Variants in TRDN observed in about 807,000 individuals in gnomAD.
TRDN encodes the protein triadin, also known as triadin in skeletal muscle.
TRDN carries 161 observed loss-of-function variants against 149.7 expected under a neutral mutation model. The observed-to-expected ratio is 1.08, with a 90% CI of 0.95 to 1.23. The LOEUF is 1.23. Among genes scored for constraint, TRDN ranks in the 50% most tolerant of loss-of-function variants. TRDN has a pLI of 0.00. For synonymous variants in TRDN, 294 were observed against 250.5 expected, an observed-to-expected ratio of 1.17 and a Z score of -1.64; for missense variants, 896 against 823.5, an observed-to-expected ratio of 1.09 and a Z score of -1.08.
At chr6:123,612,170 C>T (rs1395753434) in intron 1 of TRDN, among the ~76,000 whole-genome samples, 1 of 144,480 alleles carries the variant, frequency 6.9e-6, no homozygotes, top group Non-Finnish European at 1.5e-5. Context: ...GTGGGTGTAT[C>T]GCCTGAGAGG....
At chr6:123,250,896 C>G (rs1366013418) in intron 38 of TRDN, among the ~76,000 whole-genome samples, 1 of 152,092 alleles carries the variant, frequency 6.6e-6, no homozygotes, top group South Asian at 2.1e-4. Context: ...GTGCTTACTT[C>G]CCACTTCTTT....
chr6:123,581,520 TA>T (rs1358970089), intron 1 of TRDN, among the ~76,000 whole-genome samples: 1 of 152,204 alleles, frequency 6.6e-6, no homozygotes, highest in Admixed American at 6.5e-5. Flanking sequence ...AAATCAGCTT[TA>T]AAAAGTGTCA....
At chr6:123,236,515 C>T (rs1775793813) in intron 38 of TRDN, among the ~76,000 whole-genome samples, 3 of 152,044 alleles carry the variant, frequency 2.0e-5, no homozygotes, top group Non-Finnish European at 2.9e-5. Context: ...TGTCTTGTAA[C>T]TCTTTGTCTA....
At chr6:123,579,332 T>C (rs759244273) in intron 1 of TRDN, among the ~76,000 whole-genome samples, 72 of 152,292 alleles carry the variant, frequency 4.7e-4, no homozygotes, top group Non-Finnish European at 7.6e-4. Context: ...CCTAGTTTAT[T>C]GAGAATTTTT....
rs921061366 is a variant in TRDN at position 123,271,046 on chromosome 6, T to TGTGTGC, written c.1720+92_1720+93insGCACAC. 9.8e-5 allele frequency: 65 copies of TGTGTGC among 660,064 alleles called. No homozygotes were observed. In the African/African-American group the frequency reaches 1.1e-3, roughly 11 times the overall value. The allele number at this position is 660,064 out of a possible 1,614,324, so 40.9% of individuals were successfully genotyped here. ...ACACACTTCAGTGAAGGGCTGTGTG[T>TGTGTGC]GTGTGTGTGTGTGTGTGTCTGCATG... On this transcript the variant is annotated intron_variant, in intron 30 of 40. Coordinates refer to ENST00000334268, the MANE Select transcript of TRDN (RefSeq NM_006073.4).
chr6:123,476,779 T>C (rs2114756160), intron 9 of TRDN, among the ~76,000 whole-genome samples: 1 of 150,580 alleles, frequency 6.6e-6, no homozygotes, highest in African/African-American at 2.4e-5. Context: ...ATCTGATCTT[T>C]GACAAACCTG....
intron 5 of TRDN, among the ~76,000 whole-genome samples, chr6:123,521,944 T>G (rs1199616161): frequency 6.6e-6 from 1 of 152,178 alleles, no homozygotes; most frequent in Non-Finnish European, 1.5e-5. Context: ...CATCATGGAA[T>G]TTGTAGTGCC....
intron 31 of TRDN, 97 bp from the exon 32 acceptor site, chr6:123,267,848 G>A: frequency 1.2e-6 from 1 of 851,356 alleles, no homozygotes; most frequent in Admixed American, 3.3e-5. Flanking sequence ...TTACCCAAGA[G>A]GCATGCCCCA....
At chr6:123,260,828 A>T (rs1776745262) in intron 33 of TRDN, among the ~76,000 whole-genome samples, 190 bp from the exon 34 acceptor site, 1 of 151,844 alleles carries the variant, frequency 6.6e-6, no homozygotes, top group African/African-American at 2.4e-5. Flanking sequence ...AGCTGTAACT[A>T]GACATCTATT....
chr6:123,351,142 G>A, intron 21 of TRDN: 1 of 984,524 alleles, frequency 1.0e-6, no homozygotes, highest in South Asian at 4.7e-5. Flanking sequence ...GAGGGGGAAA[G>A]CTATAAAACT....
At chr6:123,513,840 T>C (rs1779291939) in intron 6 of TRDN, among the ~76,000 whole-genome samples, 1 of 152,098 alleles carries the variant, frequency 6.6e-6, no homozygotes, top group Non-Finnish European at 1.5e-5. Context: ...ATATTTCAAC[T>C]TATCTGATTC....
intron 21 of TRDN, among the ~76,000 whole-genome samples, chr6:123,340,357 G>T (rs1482495463): frequency 2.0e-5 from 3 of 151,978 alleles, no homozygotes; most frequent in Non-Finnish European, 2.9e-5. Context: ...ATTATTCATT[G>T]CTCTGAATGA....
chr6:123,264,513 G>A (rs974555887), intron 33 of TRDN, among the ~76,000 whole-genome samples: 4 of 152,052 alleles, frequency 2.6e-5, no homozygotes, highest in Admixed American at 6.6e-5. Flanking sequence ...TGAAGATGTT[G>A]TGAACATCGT....
Position 123,493,852 on chromosome 6 carries a change from C to T in TRDN, c.853+3341G>A, listed in dbSNP as rs959433316. Among the ~76,000 whole-genome samples the T allele has an allele frequency of 5.9e-5, 9 of 152,106 alleles. 1 individual carries two copies. The highest frequency in any genetic ancestry group is 1.2e-4 in the Non-Finnish European group (8 of 68,004). On this transcript the variant is annotated intron_variant, in intron 9 of 40. Coordinates refer to ENST00000334268, the MANE Select transcript of TRDN (RefSeq NM_006073.4). ...CAGATTAAATCTGTGTTTCTCATTC[C>T]TTATTTTCAAAAATGCAAGTCATAT...
chr6:123,600,438 T>C (rs577247896), intron 1 of TRDN, among the ~76,000 whole-genome samples: 185 of 151,196 alleles, frequency 1.2e-3, no homozygotes, highest in African/African-American at 4.3e-3. Flanking sequence ...GGGTTGGGTG[T>C]GTAAAGGGGA....
Position 123,393,631 on chromosome 6 carries a change from T to G in TRDN, c.1098A>C (p.Ala366=), listed in dbSNP as rs1425417640. Residue 366 remains alanine (A), a synonymous_variant, in exon 13 of 41, where the codon GCA becomes GCC. Coordinates refer to ENST00000334268, the MANE Select transcript of TRDN (RefSeq NM_006073.4). ...SETKQGTVKI[A]AQAAAKKDEK... ...AAGTGTTTTATTGCTTACCTTGTGC[T>G]GCAATTTTTACAGTCCCTTGTTTGG... The G allele has an allele frequency of 3.8e-5, 61 of 1,604,668 alleles. No individual in the cohort carries two copies. Among genetic ancestry groups the G allele is most frequent in the Non-Finnish European group, 5.0e-5 (59 of 1,174,788 alleles).
At chr6:123,618,152 T>A (rs1426261923) in intron 1 of TRDN, among the ~76,000 whole-genome samples, 1 of 152,166 alleles carries the variant, frequency 6.6e-6, no homozygotes, top group Non-Finnish European at 1.5e-5. Flanking sequence ...GTATATTAGT[T>A]TTCTACTGCA....
At chr6:123,566,728 T>C (rs1400801878) in intron 2 of TRDN, among the ~76,000 whole-genome samples, 1 of 152,202 alleles carries the variant, frequency 6.6e-6, no homozygotes, top group African/African-American at 2.4e-5. Flanking sequence ...ATAATACTAA[T>C]CCCTAGCAAA....
chr6:123,336,562 C>A (rs1779878457), intron 22 of TRDN, among the ~76,000 whole-genome samples: 1 of 151,938 alleles, frequency 6.6e-6, no homozygotes, highest in Non-Finnish European at 1.5e-5. Flanking sequence ...CCTCTCATAG[C>A]ATCCTGTGTA....
Sources: gnomAD v4.1 joint callset for allele counts (sites outside exome capture counted in the v4.1 genomes callset) on GRCh38, gnomAD v4.1.1 for gene constraint, MANE v1.5 for transcripts, NCBI Gene and HGNC (gene_info 2026-07-23, HGNC 2026-07-21) for gene names.